Variants in ZNF148 observed in about 807,000 individuals in gnomAD.
ZNF148 encodes Beta-Enolase Repressor Factor-1.
In ZNF148, 7 loss-of-function variants were observed where a neutral mutation model predicts 67.7. The ratio of observed to expected loss-of-function variants is 0.10; its 90% confidence interval spans 0.06 to 0.19. ZNF148 has a LOEUF of 0.19. Ranked by LOEUF, ZNF148 falls within the 10% of genes least tolerant of loss-of-function variation. ZNF148 has a pLI of 1.00. For missense variants in ZNF148, 583 were observed against 947.1 expected, an observed-to-expected ratio of 0.62 and a Z score of 5.05; for synonymous variants, 333 against 330.7, an observed-to-expected ratio of 1.01 and a Z score of -0.08.
intron 5 of ZNF148, among the ~76,000 whole-genome samples, chr3:125,283,371 A>G (rs367601445): frequency 2.0e-5 from 3 of 152,182 alleles, no homozygotes; most frequent in African/African-American, 7.2e-5. Flanking sequence ...TCACTGTATC[A>G]TAAGCATGGC....
intron 1 of ZNF148, among the ~76,000 whole-genome samples, chr3:125,364,336 T>A (rs543610492): frequency 6.6e-6 from 1 of 151,304 alleles, no homozygotes; most frequent in Non-Finnish European, 1.5e-5. Context: ...AAGGCGGAGG[T>A]TGCAGTGAGC....
At chr3:125,311,344 T>C (rs1435761118) in intron 4 of ZNF148, 1 of 152,988 alleles carries the variant, frequency 6.5e-6, no homozygotes, top group Non-Finnish European at 1.5e-5. Context: ...TAGGTTCTAT[T>C]AGAAAGTATT....
chr3:125,338,381 T>C (rs1399288574), intron 1 of ZNF148, among the ~76,000 whole-genome samples: 1 of 152,152 alleles, frequency 6.6e-6, no homozygotes, highest in African/African-American at 2.4e-5. Flanking sequence ...ACTGTAATAA[T>C]GAAGGGAACC....
At chr3:125,277,061 G>A (rs932154849) in intron 7 of ZNF148, among the ~76,000 whole-genome samples, 59 of 152,184 alleles carry the variant, frequency 3.9e-4, no homozygotes, top group African/African-American at 1.4e-3. Flanking sequence ...GCAAAACACT[G>A]GAAATCAATT....
rs114815581 is a variant in ZNF148 at position 125,242,852 on chromosome 3, C to T, written c.668-8523G>A. On this transcript the variant is annotated intron_variant, in intron 7 of 8. Coordinates refer to ENST00000360647, the MANE Select transcript of ZNF148 (RefSeq NM_021964.3). ...AAGTTCCATGGGTCTATCCCTAGAC[C>T]TGCTCATCTGTTCCACTAGTGTGAC... 2.5e-3 allele frequency among the ~76,000 whole-genome samples: 376 copies of T among 152,294 alleles called. 2 individuals are homozygous for T. Among genetic ancestry groups the T allele is most frequent in the Non-Finnish European group, 3.8e-3 (261 of 68,010 alleles).
chr3:125,335,859 G>A (rs919857353), intron 1 of ZNF148, among the ~76,000 whole-genome samples: 2 of 152,098 alleles, frequency 1.3e-5, no homozygotes, highest in African/African-American at 4.8e-5. Flanking sequence ...ACCAAATTAT[G>A]TTTTAACTGT....
intron 7 of ZNF148, among the ~76,000 whole-genome samples, chr3:125,275,528 C>T (rs1270061959): frequency 3.3e-5 from 5 of 152,182 alleles, no homozygotes; most frequent in East Asian, 1.9e-4. Flanking sequence ...TAGATATATA[C>T]ATTTGGGAAA....
intron 1 of ZNF148, among the ~76,000 whole-genome samples, chr3:125,334,473 C>A (rs1011573525): frequency 6.6e-6 from 1 of 152,118 alleles, no homozygotes; most frequent in South Asian, 2.1e-4. Context: ...CCCTTTGCTA[C>A]CTTTTCAAAA....
At chr3:125,325,811 T>C (rs767449455) in intron 2 of ZNF148, among the ~76,000 whole-genome samples, 17 of 151,976 alleles carry the variant, frequency 1.1e-4, no homozygotes, top group Non-Finnish European at 1.6e-4. Context: ...AATCTACAGA[T>C]CTAAGAAGCA....
intron 4 of ZNF148, among the ~76,000 whole-genome samples, chr3:125,311,681 AT>A (rs1214889772): frequency 6.6e-6 from 1 of 152,122 alleles, no homozygotes. Context: ...TAAGACAGTA[AT>A]TTTTTTAAAT....
chr3:125,358,402 AT>A, intron 1 of ZNF148, among the ~76,000 whole-genome samples: 1 of 152,266 alleles, frequency 6.6e-6, no homozygotes, highest in South Asian at 2.1e-4. Flanking sequence ...AACTTTTATA[AT>A]TTTTTATCAG....
chr3:125,296,188 C>T (rs1052328070), intron 4 of ZNF148, among the ~76,000 whole-genome samples: 4 of 151,188 alleles, frequency 2.6e-5, no homozygotes, highest in Admixed American at 2.6e-4. Flanking sequence ...GTGGTGCAAT[C>T]TCGCCTCACT....
At chr3:125,264,770 T>C (rs571690443) in intron 7 of ZNF148, among the ~76,000 whole-genome samples, 16 of 152,360 alleles carry the variant, frequency 1.1e-4, no homozygotes, top group African/African-American at 3.8e-4. Context: ...CAGAACCTCA[T>C]CACTTAATAA....
chr3:125,274,377 A>C (rs1312683038), intron 7 of ZNF148, among the ~76,000 whole-genome samples: 3 of 152,218 alleles, frequency 2.0e-5, no homozygotes, highest in Non-Finnish European at 2.9e-5. Flanking sequence ...CATAACTGCC[A>C]AAAATAGCAG....
chr3:125,255,604 A>C (rs187123060), intron 7 of ZNF148, among the ~76,000 whole-genome samples: 1 of 151,922 alleles, frequency 6.6e-6, no homozygotes, highest in Admixed American at 6.6e-5. Context: ...AACCTAAGGA[A>C]CTATGGTTTC....
chr3:125,342,963 AAAC>A (rs1164992952), intron 1 of ZNF148, among the ~76,000 whole-genome samples: 3 of 152,256 alleles, frequency 2.0e-5, no homozygotes, highest in African/African-American at 4.8e-5. Context: ...GATAGACTCA[AAAC>A]AACATTATAA....
At chr3:125,259,751 C>T (rs552230971) in intron 7 of ZNF148, among the ~76,000 whole-genome samples, 10 of 152,312 alleles carry the variant, frequency 6.6e-5, no homozygotes, top group African/African-American at 2.4e-4. Flanking sequence ...CACTTGAGGT[C>T]AGGGGGCTAC....
intron 1 of ZNF148, among the ~76,000 whole-genome samples, chr3:125,334,771 C>T (rs1308202132): frequency 1.3e-5 from 2 of 152,128 alleles, no homozygotes; most frequent in African/African-American, 2.4e-5. Flanking sequence ...CACTCCTGTG[C>T]TTATCCCCCA....
intron 6 of ZNF148, 44 bp downstream of exon 6, chr3:125,279,080 T>C (rs1174605430): frequency 1.3e-6 from 2 of 1,534,376 alleles, no homozygotes; most frequent in Non-Finnish European, 1.8e-6. Flanking sequence ...ATAACAAAGA[T>C]AATAACTTTA....
Sources: gnomAD v4.1 joint callset for allele counts (sites outside exome capture counted in the v4.1 genomes callset) on GRCh38, gnomAD v4.1.1 for gene constraint, MANE v1.5 for transcripts, NCBI Gene and HGNC (gene_info 2026-07-23, HGNC 2026-07-21) for gene names.